CALR3: variants seen among roughly 807,000 people sequenced by gnomAD.
CALR3 encodes calreticulin-3.
In CALR3, 39 loss-of-function variants were observed where a neutral mutation model predicts 48.7. The ratio of observed to expected loss-of-function variants is 0.80; its 90% confidence interval spans 0.62 to 1.05. CALR3 has a LOEUF of 1.05. Ranked by LOEUF, CALR3 falls within the 50% of genes least tolerant of loss-of-function variation. The probability of loss-of-function intolerance (pLI) is 0.00; values close to 1 mark genes in which losing one functional copy is unlikely to be tolerated. For synonymous variants in CALR3, 185 were observed against 172.7 expected (o/e 1.07, Z -0.56); for missense variants, 449 against 474.7 (o/e 0.95, Z 0.50).
At chr19:16,479,418 T>C in intron 8 of CALR3, 144 bp from the exon 9 acceptor site, 1 of 787,670 alleles carries the variant, frequency 1.3e-6, no homozygotes, top group South Asian at 1.7e-5. Flanking sequence ...ACACAGTCTC[T>C]ACCAAAAATA....
intron 2 of CALR3, among the ~76,000 whole-genome samples, chr19:16,493,963 G>A (rs777354181): frequency 9.9e-5 from 15 of 152,124 alleles, no homozygotes; most frequent in Middle Eastern, 3.4e-3. Flanking sequence ...CAAGTGATTC[G>A]CTTGCCTTAT....
rs1330398267 is a variant in CALR3, at chr19:16,482,759, G to A, written c.705C>T (p.Ala235=). ...TCCAGTCGCTCTGCTTGCTGGTGCT[G>A]GCGTCCAGAAAATGCTTCTCCCAGT... The part of the protein sequence containing the change: ...AQDWEKHFLD[A]STSKQSDWNG... The change falls in exon 6 of 9, where the codon GCC becomes GCT. Residue 235 remains alanine, a synonymous_variant. Coordinates refer to ENST00000269881, the MANE Select transcript of CALR3 (RefSeq NM_145046.5). 3 of 1,613,404 alleles carry A rather than the reference G, an allele frequency of 1.9e-6. No homozygotes were observed. The highest frequency in any genetic ancestry group is 2.5e-6 in the Non-Finnish European group (3 of 1,179,898).
chr19:16,484,216 C>T (rs968920652), intron 4 of CALR3, 101 bp from the exon 5 acceptor site: 42 of 1,167,848 alleles, frequency 3.6e-5, no homozygotes, highest in South Asian at 2.9e-4. Flanking sequence ...CTCACTCTGT[C>T]GCCCAGGTTG....
chr19:16,490,343 T>C lies in CALR3; in HGVS notation c.397+24A>G, dbSNP rs3810196. 0.68 allele frequency: 1,090,207 copies of C among 1,606,196 alleles called. 373,446 individuals are homozygous for C. Among genetic ancestry groups the C allele is most frequent in the Middle Eastern group, 0.76 (4,585 of 6,052 alleles). ...GGGTTTTCAAAGTCACTAGAAGTGG[T>C]TGTGTTGCACCACGTAAACTCACCA... is the stretch of plus-strand genomic sequence containing the variant. On this transcript the variant is annotated intron_variant, in intron 3 of 8. Transcript: ENST00000269881.
chr19:16,489,159 G>A (rs550303668), intron 3 of CALR3, among the ~76,000 whole-genome samples: 2 of 152,336 alleles, frequency 1.3e-5, no homozygotes, highest in South Asian at 2.1e-4. Context: ...TTTGGCCCAC[G>A]GCCAAGGTTT....
intron 4 of CALR3, among the ~76,000 whole-genome samples, 194 bp from the exon 5 acceptor site, chr19:16,484,309 C>G (rs999218527): frequency 6.6e-6 from 1 of 151,422 alleles, no homozygotes; most frequent in African/African-American, 2.4e-5. Context: ...TCCTGAGAAG[C>G]TGGGATTACA....
chr19:16,484,693 T>C (rs1460151932), intron 4 of CALR3, among the ~76,000 whole-genome samples: 1 of 151,792 alleles, frequency 6.6e-6, no homozygotes, highest in Non-Finnish European at 1.5e-5. Context: ...AATTTTTGTA[T>C]TTTTTGTCAT....
chr19:16,487,855 C>T (rs887600421), intron 3 of CALR3, among the ~76,000 whole-genome samples: 9 of 151,248 alleles, frequency 6.0e-5, no homozygotes, highest in Non-Finnish European at 1.0e-4. Context: ...ACTCTGTTGC[C>T]CAGGCTGGAG....
In CALR3 at chr19:16,485,190, G is replaced by A. The variant is rs772657021; in HGVS notation, c.465C>T (p.His155=). 1.7e-5 allele frequency: 28 copies of A among 1,607,558 alleles called. No homozygotes were observed. Among genetic ancestry groups the A allele is most frequent in the South Asian group, 6.6e-5 (6 of 90,878 alleles). ...TACACCTGATCAGTTTCTTGTTTTC[G>A]TGATACTTATTCTTGAAATGTAAAA... The part of the protein sequence containing the change: ...HVILHFKNKY[H]ENKKLIRCKV... The change falls in exon 4 of 9, where the codon CAC becomes CAT. Residue 155 remains histidine (H), a synonymous_variant. Transcript: ENST00000269881.
chr19:16,481,930 G>A lies in CALR3; in HGVS notation c.918+520C>T, dbSNP rs1417306875. Among the ~76,000 whole-genome samples the A allele has an allele frequency of 1.8e-4, 20 of 108,808 alleles. 1 individual carries two copies. The highest frequency in any genetic ancestry group is 2.9e-4 in the Non-Finnish European group (16 of 55,210). The allele number at this position is 108,808 out of a possible 152,430, so 71.4% of individuals were successfully genotyped here. A position where few individuals can be genotyped will look rare whatever the true frequency, so the allele number is the denominator to read the frequency against. On this transcript the variant is annotated intron_variant, in intron 7 of 8. Transcript: ENST00000269881. ...TTTTTTTTTTTTTTTTTTTTGAGAC[G>A]GAGTCTTGCTCTGTCACCCAGACTG... is the stretch of plus-strand genomic sequence containing the variant.
At chr19:16,488,768 C>T (rs541288779) in intron 3 of CALR3, among the ~76,000 whole-genome samples, 1 of 152,216 alleles carries the variant, frequency 6.6e-6, no homozygotes, top group African/African-American at 2.4e-5. Context: ...TTCCTGTGGC[C>T]CAGTGTGGTC....
chr19:16,487,634 C>CATTT (rs778928193), intron 3 of CALR3, among the ~76,000 whole-genome samples: 5 of 151,308 alleles, frequency 3.3e-5, no homozygotes, highest in East Asian at 1.9e-4. Context: ...TATTTTGTAT[C>CATTT]ATTTATTTAT....
In CALR3 at chr19:16,486,230, C is replaced by A. The variant is rs546638505; in HGVS notation, c.398-973G>T. Among the ~76,000 whole-genome samples, 3 of 151,554 alleles carry A rather than the reference C, an allele frequency of 2.0e-5. No individual in the cohort carries two copies. In the South Asian group the frequency reaches 6.3e-4, roughly 32 times the overall value. On this transcript the variant is annotated intron_variant, in intron 3 of 8. Transcript: ENST00000269881. ...ACCTGTGAGGCTGAGGTGAGGGGAT[C>A]ACTTGAACCCAGGAAGTGGAGGTTG...
At chr19:16,494,487 G>A (rs951296391) in intron 2 of CALR3, among the ~76,000 whole-genome samples, 9 of 151,846 alleles carry the variant, frequency 5.9e-5, no homozygotes, top group African/African-American at 9.7e-5. Flanking sequence ...TCAGCCTCCC[G>A]AGTAGCTGGG....
chr19:16,495,679 G>A, intron 2 of CALR3, 72 bp downstream of exon 2: 1 of 1,209,546 alleles, frequency 8.3e-7, no homozygotes, highest in South Asian at 1.2e-5. Context: ...TTTTGGCTGT[G>A]CCACAACTAC....
At chr19:16,481,439 CTT>C (rs914072766) in intron 7 of CALR3, among the ~76,000 whole-genome samples, 3 of 128,622 alleles carry the variant, frequency 2.3e-5, no homozygotes, top group East Asian at 2.2e-4. Context: ...ATCACCAAAA[CTT>C]TTTTTTTTTT....
At chr19:16,493,777 G>A (rs1215855264) in intron 2 of CALR3, among the ~76,000 whole-genome samples, 1 of 151,940 alleles carries the variant, frequency 6.6e-6, no homozygotes, top group African/African-American at 2.4e-5. Flanking sequence ...ATCCAGGCTG[G>A]AGTGCAGTGG....
At chr19:16,490,683 C>A (rs2093396541) in intron 2 of CALR3, 113 bp from the exon 3 acceptor site, 2 of 884,340 alleles carry the variant, frequency 2.3e-6, no homozygotes, top group Non-Finnish European at 1.9e-6. Flanking sequence ...TAACCATTTA[C>A]AGTGATCTAC....
At chr19:16,488,712 G>A (rs2093393018) in intron 3 of CALR3, among the ~76,000 whole-genome samples, 1 of 151,976 alleles carries the variant, frequency 6.6e-6, no homozygotes, top group East Asian at 1.9e-4. Flanking sequence ...CCGGCCTGAG[G>A]TACATTTATT....
Sources: allele counts gnomAD v4.1 joint callset (sites outside exome capture counted in the v4.1 genomes callset), GRCh38; gene constraint gnomAD v4.1.1; transcripts MANE v1.5; gene names NCBI Gene and HGNC (gene_info 2026-07-23, HGNC 2026-07-21).